Variants in SERPINB6 observed in about 807,000 individuals in gnomAD.
SERPINB6 encodes the protein serpin family B member 6, also known as serpin B6.
In SERPINB6, 16 loss-of-function variants were observed where a neutral mutation model predicts 26.1. The observed-to-expected ratio is 0.61, with a 90% confidence interval of 0.42 to 0.93. SERPINB6 has a LOEUF of 0.93. Ranked by LOEUF, SERPINB6 falls within the 40% of genes least tolerant of loss-of-function variation. The pLI, the probability that SERPINB6 is intolerant of heterozygous loss-of-function variation, is 0.00. For synonymous variants in SERPINB6, 174 were observed against 176.6 expected (o/e 0.99, Z 0.11); for missense variants, 420 against 478.0 (o/e 0.88, Z 1.13).
chr6:2,953,332 C>T, intron 4 of SERPINB6, 146 bp from the exon 5 acceptor site: 1 of 1,092,508 alleles, frequency 9.2e-7, no homozygotes, highest in Non-Finnish European at 1.4e-6. Context: ...GATACGTGTC[C>T]TTAAAGCAAA....
intron 5 of SERPINB6, among the ~76,000 whole-genome samples, chr6:2,952,433 G>C (rs1029678164): frequency 6.6e-6 from 1 of 152,240 alleles, no homozygotes. Flanking sequence ...TTCAGTGAGA[G>C]GAAGATAAAG....
rs369708818 is a variant in SERPINB6, at chr6:2,969,139, T to C, written c.-11+2394A>G. Reference sequence around the variant, plus strand: ...GAAAAAATAAATCCACATTTAAAGTTTACCACTCAAGATACTCCAAATATC... The same window carrying C: ...GAAAAAATAAATCCACATTTAAAGTCTACCACTCAAGATACTCCAAATATC... On this transcript the variant is annotated intron_variant, in intron 1 of 6. Coordinates refer to ENST00000380539, the MANE Select transcript of SERPINB6 (RefSeq NM_004568.6). 4.0e-6 allele frequency: 4 copies of C among 1,010,138 alleles called. No homozygotes were observed. In the African/African-American group the frequency reaches 5.1e-5, roughly 13 times the overall value. The allele number at this position is 1,010,138 out of a possible 1,614,324, so 62.6% of individuals were successfully genotyped here.
Position 2,948,273 on chromosome 6 carries a change from G to T in SERPINB6, c.*25C>A, listed in dbSNP as rs751259549. 3 of 1,612,428 alleles carry T rather than the reference G, an allele frequency of 1.9e-6. No homozygotes were observed. In the South Asian group the frequency reaches 3.3e-5, roughly 18 times the overall value. On this transcript the variant is annotated 3_prime_UTR_variant, in exon 7 of 7. Coordinates refer to ENST00000380539, the MANE Select transcript of SERPINB6 (RefSeq NM_004568.6). This position sits in a 1 kb window ranked among gnomAD's most constrained non-coding sequence, Gnocchi z 5.0. ...GTGTCAGGGGACAGAGAGGAGAGGG[G>T]CTGCACACCAAGACTGCCCTGTCCT...
At chr6:2,951,390 AAAAATAAAAAAT>A (rs1314939049) in intron 5 of SERPINB6, among the ~76,000 whole-genome samples, 11 of 94,410 alleles carry the variant, frequency 1.2e-4, no homozygotes, top group South Asian at 8.1e-4. Context: ...CTGTCTTGGA[AAAAATAAAAAAT>A]AAAAAAAAAA....
At chr6:2,969,593 TTGA>T in intron 1 of SERPINB6, 1 of 985,434 alleles carries the variant, frequency 1.0e-6, no homozygotes, top group Non-Finnish European at 1.2e-6. Flanking sequence ...ATGTTCACAA[TTGA>T]TTTTATTCAA....
chr6:2,964,967 G>A (rs192724416), intron 1 of SERPINB6, among the ~76,000 whole-genome samples: 11 of 152,324 alleles, frequency 7.2e-5, no homozygotes, highest in Admixed American at 2.0e-4. Context: ...CTCCTAAAGT[G>A]CTGGAACTAC....
chr6:2,970,655 T>C (rs1772055735), intron 1 of SERPINB6: 4 of 1,223,960 alleles, frequency 3.3e-6, no homozygotes, highest in Middle Eastern at 3.2e-4. Flanking sequence ...CATCTGAGTA[T>C]TCCTGACAGC....
Position 2,967,849 on chromosome 6 carries a change from G to A in SERPINB6, c.-11+3684C>T, listed in dbSNP as rs1771769436. The A allele has an allele frequency of 6.6e-6, 1 of 152,246 alleles. No homozygotes were observed. The highest frequency in any genetic ancestry group is 1.5e-5 in the Non-Finnish European group (1 of 68,050). 9.4% of individuals were successfully genotyped at this position (152,246 alleles called of 1,614,324 possible). ...GAACACTTACACACTGCTGGTGGGT[G>A]TGTAAAACAGTTCAACCATTGGGGA... On this transcript the variant is annotated intron_variant, in intron 1 of 6. Coordinates refer to ENST00000380539, the MANE Select transcript of SERPINB6 (RefSeq NM_004568.6). This position sits in a 1 kb window ranked among gnomAD's most constrained non-coding sequence, Gnocchi z 4.3.
Position 2,953,167 on chromosome 6 carries a change from G to C in SERPINB6, c.450C>G (p.Leu150=), listed in dbSNP as rs754405960. 8.1e-6 allele frequency: 13 copies of C among 1,614,092 alleles called. No individual in the cohort carries two copies. In the Admixed American group the frequency reaches 1.3e-4, roughly 17 times the overall value. ...EKTEGKIAEL[L]SPGSVDPLTR... is the part of the protein sequence containing the mutation. ...TCAATGGATCCACTGAGCCCGGAGAGAGCAACTCCGCAATTTTACCTGAGC... is the reference window on the plus strand; with the variant it reads ...TCAATGGATCCACTGAGCCCGGAGACAGCAACTCCGCAATTTTACCTGAGC... Residue 150 remains leucine, a synonymous_variant, in exon 5 of 7, where the codon CTC becomes CTG. Coordinates refer to ENST00000380539, the MANE Select transcript of SERPINB6 (RefSeq NM_004568.6).
At chr6:2,955,926 A>T in intron 2 of SERPINB6, 1 of 395,916 alleles carries the variant, frequency 2.5e-6, no homozygotes, top group Admixed American at 3.6e-5. Context: ...AACACACAAA[A>T]ATGAGCTGGG....
At chr6:2,970,866 C>G (rs1035425783) in intron 1 of SERPINB6, 10 of 1,231,058 alleles carry the variant, frequency 8.1e-6, no homozygotes, top group Non-Finnish European at 1.0e-5. Flanking sequence ...TAAGGAGATC[C>G]GGGCTGGTCC....
Position 2,967,824 on chromosome 6 carries a change from G to A in SERPINB6, c.-11+3709C>T, listed in dbSNP as rs1000895100. ...TACTGGCAAGGTTGTGGAGAAAAGG[G>A]AACACTTACACACTGCTGGTGGGTG... On this transcript the variant is annotated intron_variant, in intron 1 of 6. Transcript: ENST00000380539. This position sits in a 1 kb window ranked among gnomAD's most constrained non-coding sequence, Gnocchi z 4.3. 12 of 152,186 alleles carry A rather than the reference G, an allele frequency of 7.9e-5. No homozygotes were observed. Among genetic ancestry groups the A allele is most frequent in the African/African-American group, 2.4e-4 (10 of 41,446 alleles). The allele number at this position is 152,186 out of a possible 1,614,324, so 9.4% of individuals were successfully genotyped here. A position where few individuals can be genotyped will look rare whatever the true frequency, so the allele number is the denominator to read the frequency against.
intron 5 of SERPINB6, among the ~76,000 whole-genome samples, chr6:2,951,807 A>C (rs1769843390): frequency 6.6e-6 from 1 of 152,318 alleles, no homozygotes; most frequent in East Asian, 1.9e-4. Flanking sequence ...CAAGACCTAT[A>C]GTTCTGGCCT....
chr6:2,964,770 C>A (rs1179920382), intron 1 of SERPINB6, among the ~76,000 whole-genome samples: 1 of 152,208 alleles, frequency 6.6e-6, no homozygotes, highest in Non-Finnish European at 1.5e-5. Flanking sequence ...TATTTACCAC[C>A]ATATTTCTAC....
At chr6:2,953,245 C>G in intron 4 of SERPINB6, 59 bp from the exon 5 acceptor site, 1 of 1,611,146 alleles carries the variant, frequency 6.2e-7, no homozygotes, top group Non-Finnish European at 8.5e-7. Flanking sequence ...CCCGACACAT[C>G]AGGAATCGGC....
chr6:2,954,367 A>C (rs1770181068), intron 4 of SERPINB6, among the ~76,000 whole-genome samples: 1 of 152,220 alleles, frequency 6.6e-6, no homozygotes, highest in Non-Finnish European at 1.5e-5. Context: ...GAAAGGCATC[A>C]CGGGTACACC....
chr6:2,954,693 C>T lies in SERPINB6; in HGVS notation c.329G>A (p.Cys110Tyr). ...CATCTCTGCTTGGTAGAATTTTTGG[C>T]AGGAATCTCTAAAAGACTAGGATAG... ...CDFLSSFRDSCQKFYQAEMEE... is the reference protein window; with the variant it reads ...CDFLSSFRDSYQKFYQAEMEE... The change falls in exon 4 of 7, where the codon TGC becomes TAC. Residue 110 changes from cysteine (C) to tyrosine (Y), a missense_variant. Cys to Tyr is a radical substitution (Grantham distance 194, BLOSUM62 -2). Coordinates refer to ENST00000380539, the MANE Select transcript of SERPINB6 (RefSeq NM_004568.6). The T allele has an allele frequency of 6.2e-7, 1 of 1,613,806 alleles. No individual in the cohort carries two copies. The highest frequency in any genetic ancestry group is 8.5e-7 in the Non-Finnish European group (1 of 1,179,870).
At chr6:2,955,255 C>T (rs1388929239) in intron 3 of SERPINB6, 2 of 458,720 alleles carry the variant, frequency 4.4e-6, no homozygotes, top group Non-Finnish European at 7.9e-6. Flanking sequence ...GAATATCAAA[C>T]GAACTTCACC....
intron 3 of SERPINB6, chr6:2,955,168 C>T (rs1433758941): frequency 3.8e-5 from 11 of 287,242 alleles, no homozygotes; most frequent in East Asian, 8.7e-5. Flanking sequence ...CCAGCCTGGG[C>T]GACAGAGCGA....
Sources: gnomAD v4.1 joint callset for allele counts (sites outside exome capture counted in the v4.1 genomes callset) on GRCh38, gnomAD v4.1.1 for gene constraint, Gnocchi (gnomAD v3.1) non-coding constraint, MANE v1.5 for transcripts, NCBI Gene and HGNC (gene_info 2026-07-23, HGNC 2026-07-21) for gene names.